The following LARGE1 variants were observed in gnomAD, a reference collection of about 807,000 sequenced individuals.
LARGE1 encodes the protein LARGE xylosyl- and glucuronyltransferase 1, also known as xylosyl- and glucuronyltransferase LARGE1.
A neutral mutation model predicts 87.6 loss-of-function variants in LARGE1; 43 were observed. The observed-to-expected ratio is 0.49, with a 90% CI of 0.38 to 0.63. The LOEUF (loss-of-function observed/expected upper bound fraction) is 0.63, where lower values mean the gene tolerates loss of function less well. Ranked by LOEUF, LARGE1 falls within the 30% of genes least tolerant of loss-of-function variation. The probability of loss-of-function intolerance (pLI) is 0.00; values close to 1 mark genes in which losing one functional copy is unlikely to be tolerated. For synonymous variants in LARGE1, 434 were observed against 394.6 expected (o/e 1.10, Z -1.18); for missense variants, 802 against 1,000.2 (o/e 0.80, Z 2.67).
At chr22:33,909,042 T>C (rs1029898094) in intron 1 of LARGE1, among the ~76,000 whole-genome samples, 11 of 152,178 alleles carry the variant, frequency 7.2e-5, no homozygotes, top group African/African-American at 2.7e-4. Context: ...TCTATAACCC[T>C]GAGCCCATTT....
intron 2 of LARGE1, among the ~76,000 whole-genome samples, chr22:33,686,995 G>A (rs2081963942): frequency 6.6e-6 from 1 of 152,156 alleles, no homozygotes; most frequent in African/African-American, 2.4e-5. Flanking sequence ...CACGGATGCT[G>A]ACCTAACTCT....
At chr22:33,244,827 C>T (rs752875406) in intron 11 of LARGE1, among the ~76,000 whole-genome samples, 20 of 151,946 alleles carry the variant, frequency 1.3e-4, no homozygotes, top group South Asian at 2.1e-4. Flanking sequence ...ATGGAGTGTA[C>T]GTAAGGAGGG....
At chr22:33,229,874 A>C (rs958837053) in intron 11 of LARGE1, among the ~76,000 whole-genome samples, 2 of 152,142 alleles carry the variant, frequency 1.3e-5, no homozygotes, top group Admixed American at 6.5e-5. Flanking sequence ...ACAAAAGTAA[A>C]ACCTTAAAAG....
chr22:33,822,402 G>A (rs2086851255), intron 1 of LARGE1, among the ~76,000 whole-genome samples: 1 of 152,152 alleles, frequency 6.6e-6, no homozygotes, highest in South Asian at 2.1e-4. Flanking sequence ...CCCAGGCACA[G>A]TAAGAGCTTA....
chr22:33,626,465 G>T (rs2079926322), intron 3 of LARGE1, 139 bp from the exon 4 acceptor site: 2 of 701,900 alleles, frequency 2.8e-6, no homozygotes, highest in African/African-American at 1.8e-5. Context: ...GTCTGCAGCT[G>T]TGGAAAATAA....
chr22:33,651,780 T>C (rs1313953683), intron 2 of LARGE1, among the ~76,000 whole-genome samples: 1 of 152,086 alleles, frequency 6.6e-6, no homozygotes, highest in Non-Finnish European at 1.5e-5. Flanking sequence ...AAAAAAGAAG[T>C]AGAAGCATGA....
At chr22:33,465,150 C>T (rs1322167996) in intron 6 of LARGE1, among the ~76,000 whole-genome samples, 4 of 152,130 alleles carry the variant, frequency 2.6e-5, no homozygotes, top group Non-Finnish European at 4.4e-5. Flanking sequence ...TTACATGGCG[C>T]GACATTGATG....
At chr22:33,255,567 A>T (rs913180509) in intron 11 of LARGE1, among the ~76,000 whole-genome samples, 1 of 152,228 alleles carries the variant, frequency 6.6e-6, no homozygotes, top group Non-Finnish European at 1.5e-5. Flanking sequence ...GCCATTCAAT[A>T]TTCTCGTATA....
chr22:33,535,187 C>T lies in LARGE1; in HGVS notation c.787+29661G>A, dbSNP rs937081374. Among the ~76,000 whole-genome samples the T allele has an allele frequency of 7.9e-5, 12 of 152,340 alleles. 1 individual carries two copies. The highest frequency in any genetic ancestry group is 5.2e-4 in the Admixed American group (8 of 15,304). ...GTTTCACTCCAGCACCCTGCTGCAA[C>T]CCTATCTGTGCACAATGAAGTGCGT... On this transcript the variant is annotated intron_variant, in intron 6 of 14. Coordinates refer to ENST00000397394, the MANE Select transcript of LARGE1 (RefSeq NM_133642.5).
At chr22:33,701,158 G>A (rs1477743262) in intron 2 of LARGE1, among the ~76,000 whole-genome samples, 1 of 152,134 alleles carries the variant, frequency 6.6e-6, no homozygotes, top group Admixed American at 6.5e-5. Context: ...GGGAACGCAG[G>A]TGCTACAGGG....
In LARGE1 at chr22:33,557,079, G is replaced by T. The variant is rs912693063; in HGVS notation, c.787+7769C>A. Among the ~76,000 whole-genome samples the T allele has an allele frequency of 9.5e-4, 145 of 152,292 alleles. 1 individual carries two copies. The highest frequency in any genetic ancestry group is 3.0e-3 in the African/African-American group (125 of 41,570). ...CTTATTAGGTATTGTGCAATACAGA[G>T]CCATTACCTGACTTAATCACCAAAA... On this transcript the variant is annotated intron_variant, in intron 6 of 14. Transcript: ENST00000397394.
chr22:33,141,057 G>A, the LARGE1 span, among the ~76,000 whole-genome samples: 1 of 151,956 alleles, frequency 6.6e-6, no homozygotes, highest in East Asian at 1.9e-4. Context: ...TCTTCATGCC[G>A]CCATCCTGGA....
In LARGE1 at chr22:33,869,702, G is replaced by A. The variant is rs1310484832; in HGVS notation, c.-83+50293C>T. Among the ~76,000 whole-genome samples the A allele has an allele frequency of 5.9e-5, 9 of 152,182 alleles. No homozygotes were observed. In the East Asian group the frequency reaches 1.4e-3, roughly 23 times the overall value. On this transcript the variant is annotated intron_variant, in intron 1 of 14. Coordinates refer to ENST00000397394, the MANE Select transcript of LARGE1 (RefSeq NM_133642.5). Reference sequence around the variant, plus strand: ...GGGAAGGGGGTCCCTTCTGGGAGGTGGTTCTCCTTTCTCCCCATTTCAGAG... The same window carrying A: ...GGGAAGGGGGTCCCTTCTGGGAGGTAGTTCTCCTTTCTCCCCATTTCAGAG...
chr22:33,341,199 C>T (rs1939108490), intron 9 of LARGE1, among the ~76,000 whole-genome samples: 1 of 152,084 alleles, frequency 6.6e-6, no homozygotes, highest in Non-Finnish European at 1.5e-5. Flanking sequence ...CCCCAAAGTG[C>T]TCCCTTGCTT....
chr22:33,272,247 C>A (rs1477050110), downstream of LARGE1, among the ~76,000 whole-genome samples: 3 of 152,224 alleles, frequency 2.0e-5, no homozygotes, highest in Non-Finnish European at 4.4e-5. Context: ...GTGTACATCT[C>A]CTAACAGTGG....
At chr22:33,279,070 G>T (rs1056442525) in intron 13 of LARGE1, among the ~76,000 whole-genome samples, 4 of 152,068 alleles carry the variant, frequency 2.6e-5, no homozygotes, top group African/African-American at 9.7e-5. Context: ...CCTGTTGAAC[G>T]AGTACTCAAC....
intron 7 of LARGE1, among the ~76,000 whole-genome samples, chr22:33,388,794 T>C (rs2065415145): frequency 6.6e-6 from 1 of 152,016 alleles, no homozygotes; most frequent in Non-Finnish European, 1.5e-5. Context: ...CTCAAACTCC[T>C]GACCTCAGGT....
chr22:33,122,660 G>C, the LARGE1 span, among the ~76,000 whole-genome samples: 28,335 of 152,024 alleles, frequency 0.19, 3,655 homozygotes, highest in African/African-American at 0.37. Context: ...TGCCCAGCCT[G>C]TTTTGTTTTT....
chr22:33,760,986 A>G (rs1391341245), intron 2 of LARGE1, among the ~76,000 whole-genome samples: 2 of 152,104 alleles, frequency 1.3e-5, no homozygotes, highest in Non-Finnish European at 2.9e-5. Context: ...CACCACCACC[A>G]CCACCACCAC....
Sources: gnomAD v4.1 joint callset for allele counts (sites outside exome capture counted in the v4.1 genomes callset) on GRCh38, gnomAD v4.1.1 for gene constraint, MANE v1.5 for transcripts, NCBI Gene and HGNC (gene_info 2026-07-23, HGNC 2026-07-21) for gene names.